Variants in E2F3 observed in about 807,000 individuals in gnomAD.
E2F3 encodes the protein E2F transcription factor 3, also known as transcription factor E2F3.
A neutral mutation model predicts 44.4 loss-of-function variants in E2F3; 11 were observed. The ratio of observed to expected loss-of-function variants is 0.25; its 90% CI spans 0.16 to 0.41. The LOEUF (loss-of-function observed/expected upper bound fraction) is 0.41, where lower values mean the gene tolerates loss of function less well. E2F3 is among the 10% of genes least tolerant of loss of function. The pLI is 1.00. For missense variants in E2F3, 487 were observed against 583.6 expected (o/e 0.83, Z 1.70); for synonymous variants, 249 against 253.0 (o/e 0.98, Z 0.15).
intron 1 of E2F3, among the ~76,000 whole-genome samples, chr6:20,475,624 C>T (rs1762020285): frequency 6.6e-6 from 1 of 152,206 alleles, no homozygotes; most frequent in South Asian, 2.1e-4. Context: ...GCCCCAGCCT[C>T]CCAAGTAACT....
At chr6:20,424,405 GTGTGT>G (rs1760141030) in intron 1 of E2F3, among the ~76,000 whole-genome samples, 2 of 142,150 alleles carry the variant, frequency 1.4e-5, no homozygotes, top group African/African-American at 5.5e-5. Context: ...GTGTGTGTGT[GTGTGT>G]ACATGCATAC....
chr6:20,454,850 G>T (rs1581620915), intron 1 of E2F3, among the ~76,000 whole-genome samples: 1 of 152,118 alleles, frequency 6.6e-6, no homozygotes, highest in Admixed American at 6.6e-5. Context: ...TGCCAGCCAG[G>T]GTTCAGCTCA....
intron 1 of E2F3, among the ~76,000 whole-genome samples, chr6:20,409,671 C>CT (rs1373710890): frequency 1.3e-5 from 2 of 152,380 alleles, no homozygotes; most frequent in East Asian, 3.9e-4. Context: ...TCAGTTAACT[C>CT]TTTAAGAGGA....
chr6:20,460,055 G>A (rs555241645), intron 1 of E2F3, among the ~76,000 whole-genome samples: 2 of 152,260 alleles, frequency 1.3e-5, no homozygotes, highest in East Asian at 1.9e-4. Flanking sequence ...TCTCTCATCC[G>A]CTCATTCATT....
chr6:20,429,363 G>A (rs1245975676), intron 1 of E2F3, among the ~76,000 whole-genome samples: 1 of 152,104 alleles, frequency 6.6e-6, no homozygotes, highest in Non-Finnish European at 1.5e-5. Context: ...GTTTTAAATT[G>A]CACTCGGTTC....
chr6:20,428,801 G>A (rs1263941466), intron 1 of E2F3, among the ~76,000 whole-genome samples: 2 of 152,076 alleles, frequency 1.3e-5, no homozygotes, highest in Non-Finnish European at 2.9e-5. Flanking sequence ...GAAGAATTTT[G>A]GTCAACATGG....
intron 1 of E2F3, among the ~76,000 whole-genome samples, chr6:20,416,942 C>T (rs1163327330): frequency 6.6e-6 from 1 of 152,100 alleles, no homozygotes; most frequent in Non-Finnish European, 1.5e-5. Flanking sequence ...CCTAAGTCAC[C>T]ACAGCACACG....
At chr6:20,456,140 C>G (rs1761302177) in intron 1 of E2F3, among the ~76,000 whole-genome samples, 1 of 151,804 alleles carries the variant, frequency 6.6e-6, no homozygotes. Context: ...AGTAAATGAA[C>G]AAAAGAAGGA....
chr6:20,445,741 A>G (rs61310842), intron 1 of E2F3, among the ~76,000 whole-genome samples: 5,026 of 152,322 alleles, frequency 0.033, 274 homozygotes, highest in African/African-American at 0.11. Context: ...CCATAGGCTA[A>G]TTGATATACA....
Position 20,443,602 on chromosome 6 carries a change from G to A in E2F3, c.394-36244G>A, listed in dbSNP as rs529132135. On this transcript the variant is annotated intron_variant, in intron 1 of 6. Coordinates refer to ENST00000346618, the MANE Select transcript of E2F3 (RefSeq NM_001949.5). Reference sequence around the variant, plus strand: ...CAAAAAAATTTAACAGGGCATGGTGGTGCACGCCTGTAGTCTTAGTTACTC... The same window carrying A: ...CAAAAAAATTTAACAGGGCATGGTGATGCACGCCTGTAGTCTTAGTTACTC... 7.9e-5 allele frequency among the ~76,000 whole-genome samples: 12 copies of A among 152,200 alleles called. 1 individual carries two copies. The East Asian group carries it at 2.3e-3, about 29-fold the overall frequency.
chr6:20,460,758 G>A (rs763571003), intron 1 of E2F3, among the ~76,000 whole-genome samples: 3 of 152,106 alleles, frequency 2.0e-5, no homozygotes, highest in Non-Finnish European at 4.4e-5. Context: ...CACTTTGGGA[G>A]GCCGAGGAGG....
intron 3 of E2F3, among the ~76,000 whole-genome samples, 163 bp from the exon 4 acceptor site, chr6:20,482,599 A>T (rs114748270): frequency 0.14 from 18,809 of 134,322 alleles, 1,411 homozygotes; most frequent in East Asian, 0.24. Flanking sequence ...TGAAAAAAAA[A>T]ATATATATAT....
At chr6:20,443,698 CT>C (rs1394338229) in intron 1 of E2F3, among the ~76,000 whole-genome samples, 1 of 152,042 alleles carries the variant, frequency 6.6e-6, no homozygotes, top group African/African-American at 2.4e-5. Flanking sequence ...TTTTTTTAAG[CT>C]GGTATTCCCA....
chr6:20,416,949 C>G (rs1759867709), intron 1 of E2F3, among the ~76,000 whole-genome samples: 1 of 152,158 alleles, frequency 6.6e-6, no homozygotes, highest in Admixed American at 6.5e-5. Context: ...CACCACAGCA[C>G]ACGGGACTCA....
intron 1 of E2F3, among the ~76,000 whole-genome samples, chr6:20,427,685 C>T (rs1223080535): frequency 6.6e-6 from 1 of 152,258 alleles, no homozygotes; most frequent in East Asian, 1.9e-4. Context: ...TTTGGACTAC[C>T]ATTTGAGGTG....
At chr6:20,460,996 C>CAAAAAAAAAA (rs61306918) in intron 1 of E2F3, among the ~76,000 whole-genome samples, 1 of 55,488 alleles carries the variant, frequency 1.8e-5, no homozygotes, top group Non-Finnish European at 3.0e-5. Context: ...ACTCTATCTC[C>CAAAAAAAAAA]AAAAAAAAAA....
At chr6:20,480,343 G>C (rs923752848) in intron 2 of E2F3, among the ~76,000 whole-genome samples, 1 of 152,164 alleles carries the variant, frequency 6.6e-6, no homozygotes, top group Non-Finnish European at 1.5e-5. Context: ...TCAATCTCCA[G>C]CTCAGCATAT....
chr6:20,474,727 C>A (rs989784702), intron 1 of E2F3, among the ~76,000 whole-genome samples: 9 of 152,170 alleles, frequency 5.9e-5, no homozygotes. Context: ...CTTGAATTTG[C>A]TAAGTTAAGC....
chr6:20,431,733 C>G (rs138977760), intron 1 of E2F3, among the ~76,000 whole-genome samples: 1 of 152,340 alleles, frequency 6.6e-6, no homozygotes, highest in African/African-American at 2.4e-5. Context: ...TCCCAATAAA[C>G]TACCTGCACA....
Sources: gnomAD v4.1 joint callset for allele counts (sites outside exome capture counted in the v4.1 genomes callset) on GRCh38, gnomAD v4.1.1 for gene constraint, MANE v1.5 for transcripts, NCBI Gene and HGNC (gene_info 2026-07-23, HGNC 2026-07-21) for gene names.